Variants in CATSPERE observed in about 807,000 individuals in gnomAD.
CATSPERE encodes catsper channel auxiliary subunit epsilon, also known as cation channel sperm-associated auxiliary subunit epsilon.
In CATSPERE, 93 loss-of-function variants were observed where a neutral mutation model predicts 114.1. That is an observed-to-expected ratio of 0.81 (90% confidence interval 0.69 to 0.97). CATSPERE has a LOEUF of 0.97. Among genes scored for constraint, CATSPERE ranks in the 50% least tolerant of loss-of-function variants. The pLI, the probability that CATSPERE is intolerant of heterozygous loss-of-function variation, is 0.00. For missense variants in CATSPERE, 1,058 were observed against 1,131.6 expected (o/e 0.93, Z 0.93); for synonymous variants, 341 against 384.1 (o/e 0.89, Z 1.31).
In CATSPERE at chr1:244,605,689, T is replaced by C. The variant is rs370951362; in HGVS notation, c.2304-6T>C. 1 of 1,590,606 alleles carries C rather than the reference T, an allele frequency of 6.3e-7. No individual in the cohort carries two copies. Among genetic ancestry groups the C allele is most frequent in the African/African-American group, 1.3e-5 (1 of 74,410 alleles). On this transcript the variant is annotated splice_polypyrimidine_tract_variant and splice_region_variant and intron_variant, in intron 17 of 21. Coordinates refer to ENST00000366534, the MANE Select transcript of CATSPERE (RefSeq NM_001130957.2). Reference sequence around the variant, plus strand: ...CTAGTATCTTTCTGTTTGTTGTTTCTTTCAGATTTGATGATAATGGCTATG... The same window carrying C: ...CTAGTATCTTTCTGTTTGTTGTTTCCTTCAGATTTGATGATAATGGCTATG...
chr1:244,595,896 G>A (rs6429492), intron 17 of CATSPERE, among the ~76,000 whole-genome samples: 25,281 of 151,900 alleles, frequency 0.17, 2,842 homozygotes, highest in East Asian at 0.39. Context: ...TGGCGCCACT[G>A]CACTCTAGCC....
intron 20 of CATSPERE, among the ~76,000 whole-genome samples, chr1:244,621,315 A>AATATATATATATATATATAT (rs201672348): frequency 1.1e-4 from 3 of 26,320 alleles, no homozygotes; most frequent in African/African-American, 4.8e-4. Flanking sequence ...AAATATATAA[A>AATATATATATATATATATAT]ATATATATAT....
intron 9 of CATSPERE, among the ~76,000 whole-genome samples, chr1:244,555,883 G>A (rs1438872142): frequency 6.6e-6 from 1 of 152,100 alleles, no homozygotes; most frequent in Non-Finnish European, 1.5e-5. Context: ...AAAGATCTCT[G>A]CAAGGAAGAC....
Position 244,591,751 on chromosome 1 carries a change from A to G in CATSPERE, c.2189+20A>G. On this transcript the variant is annotated intron_variant, in intron 15 of 21. Transcript: ENST00000366534. ...TGAAAAGTAAGAAATTTTTTAACAT[A>G]AGCACTGAGTTTTATATTAACGTAG... is the stretch of plus-strand genomic sequence containing the variant. 1 of 1,439,644 alleles carries G rather than the reference A, an allele frequency of 6.9e-7. No individual in the cohort carries two copies. The highest frequency in any genetic ancestry group is 1.2e-5 in the South Asian group (1 of 83,940). The allele number at this position is 1,439,644 out of a possible 1,614,324, so 89.2% of individuals were successfully genotyped here. A position where few individuals can be genotyped will look rare whatever the true frequency, so the allele number is the denominator to read the frequency against.
intron 20 of CATSPERE, among the ~76,000 whole-genome samples, chr1:244,630,271 G>A (rs765792771): frequency 4.6e-5 from 7 of 152,318 alleles, no homozygotes; most frequent in Non-Finnish European, 1.0e-4. Flanking sequence ...TCAGAGTGTT[G>A]AGGGATGGTG....
At chr1:244,604,693 T>C (rs566388223) in intron 17 of CATSPERE, among the ~76,000 whole-genome samples, 1 of 152,286 alleles carries the variant, frequency 6.6e-6, no homozygotes, top group South Asian at 2.1e-4. Flanking sequence ...TTCAGAAATA[T>C]GGGAGTAACT....
intron 9 of CATSPERE, among the ~76,000 whole-genome samples, chr1:244,556,402 C>T (rs1461644351): frequency 6.6e-6 from 1 of 152,044 alleles, no homozygotes; most frequent in Non-Finnish European, 1.5e-5. Context: ...ATAACTCAGT[C>T]TAAACACAAC....
At chr1:244,585,336 T>G (rs1242462373) in intron 13 of CATSPERE, among the ~76,000 whole-genome samples, 8 of 152,198 alleles carry the variant, frequency 5.3e-5, no homozygotes, top group African/African-American at 1.9e-4. Flanking sequence ...GTTTCTTCCT[T>G]CTGTTTCCTC....
At chr1:244,545,032 C>T (rs945762570) in intron 8 of CATSPERE, among the ~76,000 whole-genome samples, 2 of 152,164 alleles carry the variant, frequency 1.3e-5, no homozygotes, top group African/African-American at 2.4e-5. Context: ...GGTCACCTTT[C>T]CCTTTCATAA....
At chr1:244,603,065 G>A (rs1050964117) in intron 17 of CATSPERE, among the ~76,000 whole-genome samples, 8 of 152,116 alleles carry the variant, frequency 5.3e-5, no homozygotes, top group African/African-American at 1.9e-4. Context: ...GGGCTCTGGG[G>A]ACTAGGGACT....
intron 10 of CATSPERE, among the ~76,000 whole-genome samples, chr1:244,566,037 T>A (rs1663418800): frequency 6.6e-6 from 1 of 152,202 alleles, no homozygotes; most frequent in African/African-American, 2.4e-5. Context: ...TTGTTCTCAT[T>A]GGTTTCAAAG....
At position 244,489,450 on chromosome 1, in the gene CATSPERE, A is replaced by ATTTTTTTTTTTTTTTTTTTTTTT. The variant is rs10524749; in HGVS notation, c.327-988_327-966dup. Among the ~76,000 whole-genome samples, 3 of 85,542 alleles carry ATTTTTTTTTTTTTTTTTTTTTTT rather than the reference A, an allele frequency of 3.5e-5. 1 individual carries two copies. Among genetic ancestry groups the ATTTTTTTTTTTTTTTTTTTTTTT allele is most frequent in the African/African-American group, 1.4e-4 (3 of 22,094 alleles). The allele number at this position is 85,542 out of a possible 152,430, so 56.1% of individuals were successfully genotyped here. A position where few individuals can be genotyped will look rare whatever the true frequency, so the allele number is the denominator to read the frequency against. ...CTTGCAGTATTAAGGAAGCATGCAG[A>ATTTTTTTTTTTTTTTTTTTTTTT]TTTTTTTTTTTTTTTTTTTTTTTTT... On this transcript the variant is annotated intron_variant, in intron 5 of 21. Coordinates refer to ENST00000366534, the MANE Select transcript of CATSPERE (RefSeq NM_001130957.2).
chr1:244,636,316 G>A (rs548176482), intron 21 of CATSPERE, among the ~76,000 whole-genome samples: 1 of 152,202 alleles, frequency 6.6e-6, no homozygotes, highest in African/African-American at 2.4e-5. Context: ...TTGCGGGGGA[G>A]GGGAGAGGAT....
chr1:244,497,782 G>A (rs1217009450), intron 6 of CATSPERE, among the ~76,000 whole-genome samples: 1 of 152,122 alleles, frequency 6.6e-6, no homozygotes, highest in African/African-American at 2.4e-5. Context: ...GGGCGACAGA[G>A]CAAAACTCCA....
intron 2 of CATSPERE, among the ~76,000 whole-genome samples, chr1:244,471,197 G>A (rs1371120253): frequency 2.0e-5 from 3 of 152,108 alleles, no homozygotes; most frequent in South Asian, 4.1e-4. Flanking sequence ...AACCATAACC[G>A]TAATACTAAT....
chr1:244,579,303 C>T (rs1665821092), intron 11 of CATSPERE, among the ~76,000 whole-genome samples: 1 of 152,084 alleles, frequency 6.6e-6, no homozygotes, highest in Admixed American at 6.6e-5. Flanking sequence ...TTATATTTCT[C>T]TCAACTGCAA....
chr1:244,523,783 A>T lies in CATSPERE; in HGVS notation c.536+5085A>T, dbSNP rs1357050348. The stretch of plus-strand genomic sequence containing the variant: ...TACCTAGGAATCCAACTTACAAGGG[A>T]TGTGAAGGACCTCTTCAAGGAGAAC... On this transcript the variant is annotated intron_variant, in intron 8 of 21. Transcript: ENST00000366534. 3.5e-5 allele frequency among the ~76,000 whole-genome samples: 5 copies of T among 143,756 alleles called. No individual in the cohort carries two copies. The East Asian group carries it at 9.8e-4, about 28-fold the overall frequency. The allele number at this position is 143,756 out of a possible 152,430, so 94.3% of individuals were successfully genotyped here.
chr1:244,451,829 C>CG, upstream of CATSPERE: 1 of 1,569,512 alleles, frequency 6.4e-7, no homozygotes, highest in Non-Finnish European at 8.6e-7. This position sits in a 1 kb window ranked among gnomAD's most constrained non-coding sequence, Gnocchi z 6.6. Context: ...GCTCCAGTGA[C>CG]GCGAGGAGAG....
intron 15 of CATSPERE, among the ~76,000 whole-genome samples, chr1:244,592,993 C>CTAAATAGT (rs1667930566): frequency 6.6e-6 from 1 of 151,862 alleles, no homozygotes; most frequent in African/African-American, 2.4e-5. Flanking sequence ...TAGGAAACAT[C>CTAAATAGT]TGAAGTTTTA....
Sources: allele counts gnomAD v4.1 joint callset (sites outside exome capture counted in the v4.1 genomes callset), GRCh38; gene constraint gnomAD v4.1.1; non-coding constraint Gnocchi (gnomAD v3.1); transcripts MANE v1.5; gene names NCBI Gene and HGNC (gene_info 2026-07-23, HGNC 2026-07-21).